The following PCDH15 variants were observed in gnomAD, a reference collection of about 807,000 sequenced individuals.
The protein encoded by PCDH15 is protocadherin-15.
In PCDH15, 129 loss-of-function variants were observed where a neutral mutation model predicts 178.5. The observed-to-expected ratio is 0.72, with a 90% CI of 0.63 to 0.84. The LOEUF is 0.84. PCDH15 is among the 40% of genes least tolerant of loss of function. The pLI is 0.00. For synonymous variants in PCDH15, 800 were observed against 732.0 expected (o/e 1.09, Z -1.50); for missense variants, 2,230 against 2,099.9 (o/e 1.06, Z -1.21).
chr10:53,888,175 G>T (rs1203582253), intron 26 of PCDH15, among the ~76,000 whole-genome samples: 3 of 150,094 alleles, frequency 2.0e-5, no homozygotes, highest in Admixed American at 6.7e-5. Flanking sequence ...TTGCTGGTTT[G>T]TTTAAACACA....
At chr10:53,966,628 T>C (rs1037527345) in intron 21 of PCDH15, among the ~76,000 whole-genome samples, 1 of 152,048 alleles carries the variant, frequency 6.6e-6, no homozygotes, top group African/African-American at 2.4e-5. Flanking sequence ...GCTTTAATCT[T>C]GGAAAAAATT....
At chr10:55,237,163 A>T (rs1308954640) in intron 1 of PCDH15, among the ~76,000 whole-genome samples, 1 of 152,108 alleles carries the variant, frequency 6.6e-6, no homozygotes, top group African/African-American at 2.4e-5. Flanking sequence ...TTGTCAGGTA[A>T]ACAATTTTTT....
chr10:53,823,733 T>G (rs2076477126), intron 32 of PCDH15: 1 of 443,242 alleles, frequency 2.3e-6, no homozygotes, highest in Non-Finnish European at 4.3e-6. Flanking sequence ...ACACCATCCT[T>G]GCCTGAGGAT....
chr10:54,942,461 C>T (rs1260042706), intron 2 of PCDH15, among the ~76,000 whole-genome samples: 1 of 151,958 alleles, frequency 6.6e-6, no homozygotes, highest in Admixed American at 6.6e-5. Flanking sequence ...AGGTTCATAG[C>T]TCTTCACTAT....
At chr10:55,487,189 G>A (rs1392102209) in intron 2 of PCDH15, among the ~76,000 whole-genome samples, 3 of 151,382 alleles carry the variant, frequency 2.0e-5, no homozygotes, top group African/African-American at 7.3e-5. Flanking sequence ...ATATTTATGG[G>A]TCCTCATTAT....
chr10:54,968,575 G>T (rs1425416090), intron 2 of PCDH15, among the ~76,000 whole-genome samples: 1 of 151,738 alleles, frequency 6.6e-6, no homozygotes, highest in East Asian at 1.9e-4. Flanking sequence ...TTTATCTTTG[G>T]CTTTGAAAAT....
At chr10:55,045,787 A>G (rs1010935522) in intron 2 of PCDH15, among the ~76,000 whole-genome samples, 2 of 152,006 alleles carry the variant, frequency 1.3e-5, no homozygotes, top group Admixed American at 6.6e-5. Context: ...CAGTAATGTC[A>G]ATTGGTGATG....
At chr10:54,312,128 T>C (rs857368) in intron 8 of PCDH15, among the ~76,000 whole-genome samples, 109,107 of 151,838 alleles carry the variant, frequency 0.72, 40,046 homozygotes, top group Middle Eastern at 0.82. Flanking sequence ...ATGGTTAGCT[T>C]TCACTCTGGA....
At chr10:55,028,806 C>A (rs140146958) in intron 2 of PCDH15, among the ~76,000 whole-genome samples, 1 of 151,860 alleles carries the variant, frequency 6.6e-6, no homozygotes, top group African/African-American at 2.4e-5. Flanking sequence ...TTTTAAAGAT[C>A]GTACATGTTT....
At chr10:54,567,709 C>T (rs977489346) in intron 2 of PCDH15, among the ~76,000 whole-genome samples, 1 of 152,048 alleles carries the variant, frequency 6.6e-6, no homozygotes, top group African/African-American at 2.4e-5. Flanking sequence ...TCTAATTAGC[C>T]TAAAGAGATT....
intron 6 of PCDH15, among the ~76,000 whole-genome samples, chr10:54,340,585 G>A (rs932374313): frequency 6.6e-6 from 1 of 152,120 alleles, no homozygotes; most frequent in Non-Finnish European, 1.5e-5. Context: ...GGGAGAGATT[G>A]AGGTGAGTTT....
chr10:54,494,004 C>T (rs2137201245), intron 3 of PCDH15, among the ~76,000 whole-genome samples: 1 of 146,828 alleles, frequency 6.8e-6, no homozygotes, highest in Non-Finnish European at 1.5e-5. Flanking sequence ...CCAAACACTG[C>T]ATGTTCTCAC....
At chr10:54,775,101 G>A (rs753876644) in intron 1 of PCDH15, among the ~76,000 whole-genome samples, 1 of 152,164 alleles carries the variant, frequency 6.6e-6, no homozygotes, top group Non-Finnish European at 1.5e-5. Flanking sequence ...CACAGATGCT[G>A]TTAGAGTCTA....
Position 54,558,293 on chromosome 10 carries a change from CA to C in PCDH15, c.92-30417del, listed in dbSNP as rs2087581438. Among the ~76,000 whole-genome samples, 3 of 152,112 alleles carry C rather than the reference CA, an allele frequency of 2.0e-5. No individual in the cohort carries two copies. The South Asian group carries it at 6.2e-4, about 32-fold the overall frequency. On this transcript the variant is annotated intron_variant, in intron 2 of 37. Transcript: ENST00000644397. ...TCTATGAAAGGATAAAATCATAAGC[CA>C]ACTAATTTTATTATTTTCTTCAGGA... is the stretch of plus-strand genomic sequence containing the variant.
intron 2 of PCDH15, among the ~76,000 whole-genome samples, chr10:54,534,014 G>T (rs1589945367): frequency 6.6e-6 from 1 of 152,080 alleles, no homozygotes; most frequent in African/African-American, 2.4e-5. Flanking sequence ...GGGGATAAGA[G>T]TAATTACAAC....
chr10:55,103,532 T>C (rs1842617755), intron 2 of PCDH15, among the ~76,000 whole-genome samples: 1 of 152,190 alleles, frequency 6.6e-6, no homozygotes, highest in African/African-American at 2.4e-5. Flanking sequence ...TGAAGTCATG[T>C]ATAACATCTG....
At chr10:54,079,557 G>T in intron 16 of PCDH15, 133 bp from the exon 17 acceptor site, 1 of 821,264 alleles carries the variant, frequency 1.2e-6, no homozygotes, top group Non-Finnish European at 2.1e-6. Flanking sequence ...TATTTTAGAT[G>T]TATAATACTA....
intron 32 of PCDH15, among the ~76,000 whole-genome samples, chr10:53,826,241 G>T (rs147464927): frequency 1.5e-4 from 23 of 151,928 alleles, no homozygotes; most frequent in African/African-American, 5.3e-4. Context: ...GAAATAGAAT[G>T]TCATGCTTTA....
chr10:54,949,077 A>G (rs1733776), intron 2 of PCDH15, among the ~76,000 whole-genome samples: 68,977 of 151,672 alleles, frequency 0.45, 15,876 homozygotes, highest in Middle Eastern at 0.55. Flanking sequence ...ATATAATAAT[A>G]TCTATTACTA....
Sources: allele counts gnomAD v4.1 joint callset (sites outside exome capture counted in the v4.1 genomes callset), GRCh38; gene constraint gnomAD v4.1.1; transcripts MANE v1.5; gene names NCBI Gene and HGNC (gene_info 2026-07-23, HGNC 2026-07-21).